Variants in IMPG2 observed in about 807,000 individuals in gnomAD.
IMPG2 encodes the protein interphotoreceptor matrix proteoglycan 2.
Under a neutral mutation model 129.2 loss-of-function variants are expected in IMPG2, and 91 were observed. The observed-to-expected ratio is 0.70, with a 90% CI of 0.59 to 0.84. IMPG2 has a LOEUF of 0.84. Ranked by LOEUF, IMPG2 falls within the 40% of genes least tolerant of loss-of-function variation. IMPG2 has a pLI of 0.00. For synonymous variants in IMPG2, 510 were observed against 517.7 expected (o/e 0.99, Z 0.20); for missense variants, 1,430 against 1,461.7 (o/e 0.98, Z 0.35).
chr3:101,242,266 G>T (rs1346421284), intron 14 of IMPG2, among the ~76,000 whole-genome samples: 1 of 152,184 alleles, frequency 6.6e-6, no homozygotes, highest in Non-Finnish European at 1.5e-5. Flanking sequence ...GAGGTTATGA[G>T]AGATGTTTGG....
rs1706656280 is a variant in IMPG2 at position 101,260,327 on chromosome 3, G to A, written c.909-2554C>T. On this transcript the variant is annotated intron_variant, in intron 9 of 18. Coordinates refer to ENST00000193391, the MANE Select transcript of IMPG2 (RefSeq NM_016247.4). ...CTCTAAGTAGTAAGAACATCTGCTT[G>A]TCTCTAGAACTTTCCTCAATCCTCT... Among the ~76,000 whole-genome samples the A allele has an allele frequency of 2.0e-5, 3 of 152,106 alleles. No individual in the cohort carries two copies. In the South Asian group the frequency reaches 6.2e-4, roughly 32 times the overall value.
At chr3:101,308,342 C>T (rs1014671090) in intron 2 of IMPG2, among the ~76,000 whole-genome samples, 1 of 152,230 alleles carries the variant, frequency 6.6e-6, no homozygotes, top group Non-Finnish European at 1.5e-5. Flanking sequence ...CATGAGGGCT[C>T]CACCCCTGCA....
chr3:101,316,812 T>C (rs1217705185), intron 2 of IMPG2, among the ~76,000 whole-genome samples: 1 of 152,118 alleles, frequency 6.6e-6, no homozygotes, highest in Non-Finnish European at 1.5e-5. Context: ...TTTCTTGTAA[T>C]CAGTAATAAC....
intron 17 of IMPG2, 141 bp downstream of exon 17, chr3:101,229,239 T>C: frequency 4.0e-6 from 3 of 741,354 alleles, no homozygotes; most frequent in East Asian, 5.4e-5. Context: ...TAAAAACCAA[T>C]TACTAAATAT....
In IMPG2 at chr3:101,244,485, A is replaced by G. The variant is rs1706451710; in HGVS notation, c.1846T>C (p.Trp616Arg). Residue 616 changes from tryptophan to arginine, a missense_variant, in exon 13 of 19, where the codon TGG becomes CGG. Coordinates refer to ENST00000193391, the MANE Select transcript of IMPG2 (RefSeq NM_016247.4). ...CTCTTCTCTGATGAAGTCTCACTCC[A>G]TGGCCAAGTAATCAGATCTACCTTT... ...GQKVDLITWP[W>R]SETSSEKSAE... 4 of 1,613,614 alleles carry G rather than the reference A, an allele frequency of 2.5e-6. No individual in the cohort carries two copies. The highest frequency in any genetic ancestry group is 3.4e-6 in the Non-Finnish European group (4 of 1,179,656).
chr3:101,291,455 A>C, intron 4 of IMPG2, 24 bp downstream of exon 4: 1 of 1,604,962 alleles, frequency 6.2e-7, no homozygotes, highest in Non-Finnish European at 8.5e-7. Flanking sequence ...CCAAACATGA[A>C]TTTTGGGAAA....
At chr3:101,232,483 C>T (rs565533242) in intron 15 of IMPG2, among the ~76,000 whole-genome samples, 3 of 152,212 alleles carry the variant, frequency 2.0e-5, no homozygotes, top group African/African-American at 4.8e-5. Context: ...GGTGATCCAC[C>T]CACCTTGGCC....
At chr3:101,232,085 A>T (rs1353047239) in intron 15 of IMPG2, among the ~76,000 whole-genome samples, 2 of 152,036 alleles carry the variant, frequency 1.3e-5, no homozygotes, top group African/African-American at 2.4e-5. Flanking sequence ...TAACAATAAA[A>T]CTCATTTTCA....
chr3:101,295,337 A>G (rs1707067379), intron 3 of IMPG2, among the ~76,000 whole-genome samples: 1 of 152,212 alleles, frequency 6.6e-6, no homozygotes, highest in Non-Finnish European at 1.5e-5. Flanking sequence ...TAAATAGGGA[A>G]TTCTTTCCCC....
intron 14 of IMPG2, among the ~76,000 whole-genome samples, chr3:101,239,878 A>G (rs1028233918): frequency 6.6e-6 from 1 of 152,138 alleles, no homozygotes; most frequent in African/African-American, 2.4e-5. Context: ...ATGAGAACAT[A>G]TGGACACAGG....
At chr3:101,257,375 C>G (rs348885) in intron 10 of IMPG2, among the ~76,000 whole-genome samples, 154 bp downstream of exon 10, 99,497 of 151,990 alleles carry the variant, frequency 0.65, 32,738 homozygotes, top group Admixed American at 0.7. Context: ...TCCAAAATAG[C>G]TGCATGGCTA....
At chr3:101,262,089 TA>T (rs1559648053) in intron 9 of IMPG2, among the ~76,000 whole-genome samples, 2 of 152,108 alleles carry the variant, frequency 1.3e-5, no homozygotes, top group African/African-American at 4.8e-5. Context: ...CATATATTTT[TA>T]AAAAATTAAA....
At chr3:101,257,428 A>C in intron 10 of IMPG2, 101 bp downstream of exon 10, 6 of 1,420,638 alleles carry the variant, frequency 4.2e-6, no homozygotes, top group Non-Finnish European at 5.9e-6. Flanking sequence ...CATAAAGTCT[A>C]GAGAATGGTC....
chr3:101,242,098 G>GGAGA (rs143913320), intron 14 of IMPG2, among the ~76,000 whole-genome samples: 3 of 150,530 alleles, frequency 2.0e-5, no homozygotes, highest in Non-Finnish European at 4.4e-5. Context: ...TTACATTTAT[G>GGAGA]GAGAGAGAGA....
chr3:101,237,495 C>G (rs1706360171), intron 14 of IMPG2, among the ~76,000 whole-genome samples: 1 of 152,170 alleles, frequency 6.6e-6, no homozygotes, highest in Non-Finnish European at 1.5e-5. Context: ...GGGTGCCCCT[C>G]TGGGACAAAG....
intron 3 of IMPG2, among the ~76,000 whole-genome samples, chr3:101,297,071 G>C (rs770908051): frequency 6.6e-6 from 1 of 152,120 alleles, no homozygotes; most frequent in Non-Finnish European, 1.5e-5. Flanking sequence ...CACCACGCCT[G>C]GCTAATTTTT....
chr3:101,276,518 T>C, intron 5 of IMPG2, 146 bp downstream of exon 5: 1 of 646,564 alleles, frequency 1.5e-6, no homozygotes. Flanking sequence ...AAAAATTACT[T>C]TTTCTTGAGA....
chr3:101,266,873 C>T (rs1190602012), intron 9 of IMPG2, among the ~76,000 whole-genome samples: 1 of 152,182 alleles, frequency 6.6e-6, no homozygotes, highest in African/African-American at 2.4e-5. Context: ...CCACTTCCCC[C>T]ACTGCTAGCT....
intron 9 of IMPG2, among the ~76,000 whole-genome samples, chr3:101,266,807 T>G (rs564605572): frequency 5.3e-5 from 8 of 152,156 alleles, no homozygotes; most frequent in Admixed American, 2.6e-4. Context: ...CAAGTTTCCT[T>G]TTTTAATCCC....
Sources: gnomAD v4.1 joint callset for allele counts (sites outside exome capture counted in the v4.1 genomes callset) on GRCh38, gnomAD v4.1.1 for gene constraint, MANE v1.5 for transcripts, NCBI Gene and HGNC (gene_info 2026-07-23, HGNC 2026-07-21) for gene names.